TMEM161B: variants seen among roughly 807,000 people sequenced by gnomAD.
TMEM161B encodes transmembrane protein 161B.
In TMEM161B, 34 loss-of-function variants were observed where a neutral mutation model predicts 61.8. That is an observed-to-expected ratio of 0.55 (90% CI 0.42 to 0.73). The LOEUF is 0.73. Ranked by LOEUF, TMEM161B falls within the 30% of genes least tolerant of loss-of-function variation. The pLI is 0.00. For synonymous variants in TMEM161B, 167 were observed against 192.8 expected, an observed-to-expected ratio of 0.87 and a Z score of 1.11; for missense variants, 456 against 558.5, an observed-to-expected ratio of 0.82 and a Z score of 1.85.
At chr5:88,226,579 C>G (rs1750087926) in intron 3 of TMEM161B, among the ~76,000 whole-genome samples, 1 of 152,102 alleles carries the variant, frequency 6.6e-6, no homozygotes, top group Non-Finnish European at 1.5e-5. Flanking sequence ...GTACACACCC[C>G]CATGGCCAGC....
chr5:88,206,647 C>T (rs990566695), intron 6 of TMEM161B, 148 bp from the exon 7 acceptor site: 1 of 790,162 alleles, frequency 1.3e-6, no homozygotes, highest in Non-Finnish European at 2.0e-6. Flanking sequence ...ATTAGTATGC[C>T]ATAATGCAAT....
At chr5:88,267,745 C>CT (rs1156572688) in intron 1 of TMEM161B, among the ~76,000 whole-genome samples, 1 of 152,192 alleles carries the variant, frequency 6.6e-6, no homozygotes. Flanking sequence ...CCATACCCCC[C>CT]TACCCCTTGT....
intron 1 of TMEM161B, among the ~76,000 whole-genome samples, chr5:88,243,375 A>T (rs977500627): frequency 3.3e-5 from 5 of 151,870 alleles, no homozygotes; most frequent in Non-Finnish European, 7.4e-5. Context: ...TTTGCTTAGG[A>T]TAAAGGCCTC....
At chr5:88,202,489 T>C (rs557688256) in intron 9 of TMEM161B, 12 of 187,640 alleles carry the variant, frequency 6.4e-5, no homozygotes, top group African/African-American at 2.9e-4. Flanking sequence ...AAAACTGTTA[T>C]GTCTCTAATT....
chr5:88,212,987 A>G (rs556736480), intron 5 of TMEM161B, among the ~76,000 whole-genome samples: 1 of 152,312 alleles, frequency 6.6e-6, no homozygotes, highest in East Asian at 1.9e-4. Flanking sequence ...TTTCCACTCA[A>G]CTAAGTGATT....
chr5:88,255,560 AG>A (rs1411470905), intron 1 of TMEM161B, among the ~76,000 whole-genome samples: 2 of 152,230 alleles, frequency 1.3e-5, no homozygotes, highest in Non-Finnish European at 2.9e-5. Context: ...AATTTCATAT[AG>A]TTCATCTTAA....
rs574429191 is a variant in TMEM161B at position 88,215,035 on chromosome 5, A to G, written c.446+5528T>C. Among the ~76,000 whole-genome samples, 5 of 152,340 alleles carry G rather than the reference A, an allele frequency of 3.3e-5. No individual in the cohort carries two copies. In the South Asian group the frequency reaches 1.0e-3, roughly 32 times the overall value. On this transcript the variant is annotated intron_variant, in intron 5 of 11. Coordinates refer to ENST00000296595, the MANE Select transcript of TMEM161B (RefSeq NM_153354.5). Reference sequence around the variant, plus strand: ...ATTTGCTGTCTTATGTATGTCACATATCAGTGAGGGGGGAAAGACAACAAA... The same window carrying G: ...ATTTGCTGTCTTATGTATGTCACATGTCAGTGAGGGGGGAAAGACAACAAA...
chr5:88,191,988 A>G (rs1338748573), downstream of TMEM161B, among the ~76,000 whole-genome samples: 49 of 9,692 alleles, frequency 5.1e-3, no homozygotes, highest in Non-Finnish European at 0.01. Context: ...AAGTGTATAT[A>G]TATATATATA....
At chr5:88,251,232 T>A (rs987479566) in intron 1 of TMEM161B, among the ~76,000 whole-genome samples, 1 of 152,068 alleles carries the variant, frequency 6.6e-6, no homozygotes, top group East Asian at 1.9e-4. Context: ...TCATGAATCA[T>A]GGGTCTGCAT....
Position 88,206,497 on chromosome 5 carries a change from A to G in TMEM161B, c.601T>C (p.Phe201Leu), listed in dbSNP as rs1308100766. The change falls in exon 7 of 12, where the codon TTT (phenylalanine) becomes CTT (leucine). Residue 201 changes from phenylalanine (F) to leucine (L), a missense_variant and splice_region_variant. Phe to Leu is a conservative substitution (Grantham distance 22). This residue lies in a region of TMEM161B where 367 missense variants were observed against 427.3 expected (regional missense o/e 0.86). Coordinates refer to ENST00000296595, the MANE Select transcript of TMEM161B (RefSeq NM_153354.5). Reference protein sequence around the residue: ...NYLEFGLETGFTNFSDSAMQF... With the variant: ...NYLEFGLETGLTNFSDSAMQF... The stretch of plus-strand genomic sequence containing the variant: ...ATCGCACTGTCTGAAAAATTTGTAA[A>G]CCCTGTGGGGGAAAAAAAAAAAAAC... 1 of 1,583,356 alleles carries G rather than the reference A, an allele frequency of 6.3e-7. No homozygotes were observed. Among genetic ancestry groups the G allele is most frequent in the Non-Finnish European group, 8.6e-7 (1 of 1,165,992 alleles).
At chr5:88,194,184 T>C (rs1196277640), downstream of TMEM161B, among the ~76,000 whole-genome samples, 1 of 152,120 alleles carries the variant, frequency 6.6e-6, no homozygotes, top group African/African-American at 2.4e-5. Flanking sequence ...GTCTACTGTT[T>C]CCATTTTTAT....
At chr5:88,249,154 A>G (rs1400454703) in intron 1 of TMEM161B, among the ~76,000 whole-genome samples, 2 of 152,162 alleles carry the variant, frequency 1.3e-5, no homozygotes, top group African/African-American at 4.8e-5. Context: ...AAAGCCCTGT[A>G]TGCCCTCCAC....
At chr5:88,201,984 A>G in intron 9 of TMEM161B, 1 of 359,104 alleles carries the variant, frequency 2.8e-6, no homozygotes, top group Non-Finnish European at 5.6e-6. Context: ...CTAGTCAAGT[A>G]TTTCTATTTT....
At chr5:88,222,558 A>G (rs1749197627) in intron 4 of TMEM161B, among the ~76,000 whole-genome samples, 1 of 152,186 alleles carries the variant, frequency 6.6e-6, no homozygotes, top group Non-Finnish European at 1.5e-5. Flanking sequence ...AAATCCATTT[A>G]CGGTTTTCAA....
intron 5 of TMEM161B, among the ~76,000 whole-genome samples, chr5:88,212,660 T>C (rs1255860491): frequency 6.6e-6 from 1 of 152,082 alleles, no homozygotes; most frequent in Non-Finnish European, 1.5e-5. Context: ...AAACACCATC[T>C]CTACCAAAAA....
intron 5 of TMEM161B, among the ~76,000 whole-genome samples, chr5:88,214,908 GA>G (rs767073477): frequency 3.3e-4 from 50 of 152,334 alleles, no homozygotes; most frequent in Non-Finnish European, 5.7e-4. Context: ...GATGACAAGA[GA>G]AGACTCAGTT....
chr5:88,258,151 T>TG (rs1561427261), intron 1 of TMEM161B, among the ~76,000 whole-genome samples: 6 of 152,198 alleles, frequency 3.9e-5, no homozygotes, highest in South Asian at 2.1e-4. Context: ...ACTAAATGTC[T>TG]CAATTAAAGT....
chr5:88,231,364 G>A (rs1347898106), intron 2 of TMEM161B, among the ~76,000 whole-genome samples: 2 of 152,224 alleles, frequency 1.3e-5, no homozygotes, highest in East Asian at 1.9e-4. Flanking sequence ...GGAGAACTTC[G>A]CCTTTAACCT....
At chr5:88,251,191 T>TA (rs1754301891) in intron 1 of TMEM161B, among the ~76,000 whole-genome samples, 1 of 152,044 alleles carries the variant, frequency 6.6e-6, no homozygotes, top group African/African-American at 2.4e-5. Context: ...GTCTGCCTCA[T>TA]ATACTCAACT....
Sources: allele counts gnomAD v4.1 joint callset (sites outside exome capture counted in the v4.1 genomes callset), GRCh38; gene constraint gnomAD v4.1.1; regional missense constraint gnomAD v4.1.1; transcripts MANE v1.5; gene names NCBI Gene and HGNC (gene_info 2026-07-23, HGNC 2026-07-21).